Variants in KCNC2 observed in about 807,000 individuals in gnomAD.
KCNC2 encodes the protein potassium voltage-gated channel subfamily C member 2, also known as voltage-gated potassium channel KCNC2.
Under a neutral mutation model 44.5 loss-of-function variants are expected in KCNC2, and 21 were observed. The observed-to-expected ratio is 0.47, with a 90% CI of 0.33 to 0.68. The LOEUF (loss-of-function observed/expected upper bound fraction) is 0.68, where lower values mean the gene tolerates loss of function less well. KCNC2 is among the 30% of genes least tolerant of loss of function. The pLI is 0.01. For synonymous variants in KCNC2, 391 were observed against 339.1 expected, an observed-to-expected ratio of 1.15 and a Z score of -1.68; for missense variants, 589 against 826.2, an observed-to-expected ratio of 0.71 and a Z score of 3.52.
chr12:75,170,133 A>C (rs1891716954), intron 2 of KCNC2, among the ~76,000 whole-genome samples: 1 of 151,776 alleles, frequency 6.6e-6, no homozygotes, highest in Admixed American at 6.6e-5. Flanking sequence ...TAGAATTCCA[A>C]GCTCAGAATA....
chr12:75,127,725 A>G (rs1359068362), intron 2 of KCNC2, among the ~76,000 whole-genome samples: 2 of 152,226 alleles, frequency 1.3e-5, no homozygotes, highest in African/African-American at 4.8e-5. Flanking sequence ...CCATATAAAA[A>G]TACATAGTGG....
chr12:75,178,361 T>C (rs900602541), intron 2 of KCNC2, among the ~76,000 whole-genome samples: 2 of 152,024 alleles, frequency 1.3e-5, no homozygotes, highest in East Asian at 3.9e-4. Flanking sequence ...TGGATGTGAA[T>C]CAAATTTATT....
At chr12:75,118,023 C>A (rs1221651969) in intron 2 of KCNC2, among the ~76,000 whole-genome samples, 1 of 152,174 alleles carries the variant, frequency 6.6e-6, no homozygotes, top group Non-Finnish European at 1.5e-5. Flanking sequence ...GCTGGACTGT[C>A]TCAAAACAAG....
chr12:75,165,388 A>T (rs77401749), intron 2 of KCNC2, among the ~76,000 whole-genome samples: 22,092 of 151,072 alleles, frequency 0.15, 1,870 homozygotes, highest in Middle Eastern at 0.28. Context: ...TTCTATTTTC[A>T]TATGTTATCT....
intron 3 of KCNC2, among the ~76,000 whole-genome samples, chr12:75,049,520 G>C (rs1186218976): frequency 6.6e-6 from 1 of 152,018 alleles, no homozygotes; most frequent in Non-Finnish European, 1.5e-5. Flanking sequence ...CTATTACTTT[G>C]GCAGCTGAAT....
At chr12:75,172,510 T>C (rs748994840) in intron 2 of KCNC2, among the ~76,000 whole-genome samples, 1 of 151,670 alleles carries the variant, frequency 6.6e-6, no homozygotes, top group Non-Finnish European at 1.5e-5. Flanking sequence ...AAAAAGTACA[T>C]CCACCTTTGC....
rs563568848 is a variant in KCNC2, at chr12:75,109,809, C to A, written c.688-58492G>T. The stretch of plus-strand genomic sequence containing the variant: ...CTGAAGGCTTTTATTTTAAATAGTT[C>A]ACATAGAGAAGTCTGGTGATAACTT... On this transcript the variant is annotated intron_variant, in intron 2 of 4. Coordinates refer to ENST00000549446, the MANE Select transcript of KCNC2 (RefSeq NM_139137.4). Among the ~76,000 whole-genome samples, 26 of 152,072 alleles carry A rather than the reference C, an allele frequency of 1.7e-4. 4 individuals carry two copies. In the South Asian group the frequency reaches 5.4e-3, roughly 32 times the overall value.
chr12:75,151,674 CT>C (rs1263911699), intron 2 of KCNC2, among the ~76,000 whole-genome samples: 2 of 151,476 alleles, frequency 1.3e-5, no homozygotes, highest in Non-Finnish European at 2.9e-5. Context: ...GAATTATCAT[CT>C]ACTTATTTGA....
chr12:75,157,221 G>A (rs115080605), intron 2 of KCNC2, among the ~76,000 whole-genome samples: 198 of 151,990 alleles, frequency 1.3e-3, no homozygotes, highest in African/African-American at 4.6e-3. Flanking sequence ...AATTCAGTGG[G>A]CAAGCTTTCC....
At chr12:75,149,463 A>G (rs1444550734) in intron 2 of KCNC2, among the ~76,000 whole-genome samples, 2 of 151,936 alleles carry the variant, frequency 1.3e-5, no homozygotes, top group Non-Finnish European at 1.5e-5. Context: ...AAATGTGAAT[A>G]AAATTTCAGG....
At chr12:75,193,810 A>G (rs1030746057) in intron 2 of KCNC2, among the ~76,000 whole-genome samples, 2 of 152,126 alleles carry the variant, frequency 1.3e-5, no homozygotes, top group South Asian at 2.1e-4. Context: ...AATCCTGCCA[A>G]CCTACCCACA....
chr12:75,196,144 T>C (rs1024276750), intron 2 of KCNC2, among the ~76,000 whole-genome samples: 1 of 152,134 alleles, frequency 6.6e-6, no homozygotes, highest in Non-Finnish European at 1.5e-5. Context: ...TATTATGACA[T>C]TGCACTATCA....
chr12:75,147,245 A>G (rs1002221103), intron 2 of KCNC2, among the ~76,000 whole-genome samples: 15 of 152,182 alleles, frequency 9.9e-5, no homozygotes, highest in Non-Finnish European at 1.8e-4. Flanking sequence ...ACAGACAGAA[A>G]CATGAAATTT....
rs544449900 is a variant in KCNC2, at chr12:75,137,684, G to A, written c.687+69613C>T. On this transcript the variant is annotated intron_variant, in intron 2 of 4. Coordinates refer to ENST00000549446, the MANE Select transcript of KCNC2 (RefSeq NM_139137.4). ...TCATCCATATTTCCGCATGAGAAAA[G>A]CTTTACAGTCAATATGACCTTTAAA... Among the ~76,000 whole-genome samples, 6 of 152,186 alleles carry A rather than the reference G, an allele frequency of 3.9e-5. No homozygotes were observed. In the South Asian group the frequency reaches 1.0e-3, roughly 26 times the overall value.
At chr12:75,175,559 A>G (rs1190288446) in intron 2 of KCNC2, among the ~76,000 whole-genome samples, 1 of 152,002 alleles carries the variant, frequency 6.6e-6, no homozygotes, top group African/African-American at 2.4e-5. Flanking sequence ...AGCAGCAGTC[A>G]TGTTTGCCAC....
At chr12:75,165,754 T>C (rs2137548643) in intron 2 of KCNC2, among the ~76,000 whole-genome samples, 1 of 151,636 alleles carries the variant, frequency 6.6e-6, no homozygotes, top group African/African-American at 2.4e-5. Flanking sequence ...CAGTAAATTG[T>C]ATATAGATGT....
intron 2 of KCNC2, among the ~76,000 whole-genome samples, chr12:75,145,788 A>C (rs928578635): frequency 6.6e-6 from 1 of 152,118 alleles, no homozygotes; most frequent in Non-Finnish European, 1.5e-5. Flanking sequence ...ATATTTTGAA[A>C]ATATAGAAAA....
chr12:75,080,809 C>T (rs1023571374), intron 2 of KCNC2, among the ~76,000 whole-genome samples: 5 of 152,008 alleles, frequency 3.3e-5, no homozygotes, highest in African/African-American at 1.2e-4. Flanking sequence ...TGTGCATGTG[C>T]CGTGATGGGA....
intron 2 of KCNC2, among the ~76,000 whole-genome samples, chr12:75,177,083 T>A (rs562126771): frequency 1.9e-4 from 28 of 148,940 alleles, no homozygotes; most frequent in Admixed American, 1.8e-3. Context: ...ACTTCAACTC[T>A]GTATATTGGA....
Sources: gnomAD v4.1 joint callset for allele counts (sites outside exome capture counted in the v4.1 genomes callset) on GRCh38, gnomAD v4.1.1 for gene constraint, MANE v1.5 for transcripts, NCBI Gene and HGNC (gene_info 2026-07-23, HGNC 2026-07-21) for gene names.